The following CLCA2 variants were observed in gnomAD, a reference collection of about 807,000 sequenced individuals.
CLCA2 encodes chloride channel accessory 2.
CLCA2 carries 85 observed loss-of-function variants against 82.9 expected under a neutral mutation model. The ratio of observed to expected loss-of-function variants is 1.03; its 90% CI spans 0.86 to 1.23. CLCA2 has a LOEUF of 1.23. CLCA2 is among the 50% of genes most tolerant of loss of function. The pLI is 0.00. For missense variants in CLCA2, 1,089 were observed against 1,124.8 expected (o/e 0.97, Z 0.45); for synonymous variants, 421 against 391.7 (o/e 1.07, Z -0.88).
chr1:86,433,351 G>A (rs1662538045), intron 5 of CLCA2, among the ~76,000 whole-genome samples: 1 of 152,202 alleles, frequency 6.6e-6, no homozygotes, highest in South Asian at 2.1e-4. Context: ...CCTCTGTGGA[G>A]TTTTCTCTTT....
At chr1:86,445,331 T>A (rs1183272220) in intron 10 of CLCA2, 2 of 151,770 alleles carry the variant, frequency 1.3e-5, no homozygotes, top group Admixed American at 1.3e-4. Flanking sequence ...CCTTGGTGGT[T>A]TCAGAATAAA....
chr1:86,440,770 G>A (rs1272601316), intron 8 of CLCA2, among the ~76,000 whole-genome samples: 3 of 151,898 alleles, frequency 2.0e-5, no homozygotes, highest in African/African-American at 4.8e-5. Context: ...GCATGGTGGC[G>A]GGTCCCTATA....
chr1:86,445,407 A>G (rs1174814513), intron 10 of CLCA2: 2 of 129,462 alleles, frequency 1.5e-5, no homozygotes, highest in Non-Finnish European at 3.1e-5. Context: ...CATTTATTCC[A>G]GATGGGAGGC....
chr1:86,442,340 T>A (rs917130953), intron 9 of CLCA2, among the ~76,000 whole-genome samples: 2 of 152,212 alleles, frequency 1.3e-5, no homozygotes, highest in Non-Finnish European at 2.9e-5. Context: ...TAATGCTCAA[T>A]CTTTATGCCC....
In CLCA2 at chr1:86,434,617, T is replaced by C. The variant is rs1442974948; in HGVS notation, c.844T>C (p.Ser282Pro). Residue 282 changes from serine to proline, a missense_variant, in exon 6 of 14, where the codon TCT becomes CCT. By Grantham distance (74) the Ser-to-Pro change is moderately conservative (BLOSUM62 -1). Coordinates refer to ENST00000370565, the MANE Select transcript of CLCA2 (RefSeq NM_006536.7). ...AAGTGCATGGGATGTAATCACAGAC[T>C]CTGCTGACTTTCACCACAGCTTTCC... ...LRSAWDVITD[S>P]ADFHHSFPMN... is the part of the protein sequence containing the mutation. The C allele has an allele frequency of 1.2e-6, 2 of 1,614,010 alleles. No individual in the cohort carries two copies. The highest frequency in any genetic ancestry group is 3.3e-5 in the Admixed American group (2 of 59,988).
rs1463515581 is a variant in CLCA2 at position 86,424,522 on chromosome 1, A to G, written c.186+89A>G. ...AAGCTAACTACCCTGCCTGGTTTGT[A>G]TTTGAGTAATACAGAGAACAGCATT... is the stretch of plus-strand genomic sequence containing the variant. On this transcript the variant is annotated intron_variant, in intron 1 of 13. Transcript: ENST00000370565. 7 of 1,117,980 alleles carry G rather than the reference A, an allele frequency of 6.3e-6. No homozygotes were observed. In the East Asian group the frequency reaches 1.5e-4, roughly 24 times the overall value. 69.3% of individuals were successfully genotyped at this position (1,117,980 alleles called of 1,614,324 possible). A position where few individuals can be genotyped will look rare whatever the true frequency, so the allele number is the denominator to read the frequency against.
intron 4 of CLCA2, 122 bp downstream of exon 4, chr1:86,431,092 G>GCA: frequency 1.6e-6 from 1 of 637,978 alleles, no homozygotes; most frequent in Non-Finnish European, 2.7e-6. Context: ...AAACTTAGCT[G>GCA]ATAAGAAAGA....
intron 10 of CLCA2, chr1:86,445,493 A>G (rs1017220213): frequency 6.6e-6 from 1 of 151,878 alleles, no homozygotes; most frequent in Non-Finnish European, 1.5e-5. Flanking sequence ...CATAAGGTCA[A>G]AGGCAACAAT....
Position 86,455,490 on chromosome 1 carries a change from G to C in CLCA2, c.2795G>C (p.Arg932Thr), listed in dbSNP as rs780809194. 3.3e-6 allele frequency: 5 copies of C among 1,495,694 alleles called. No homozygotes were observed. The South Asian group carries it at 5.8e-5, about 17-fold the overall frequency. The allele number at this position is 1,495,694 out of a possible 1,614,324, so 92.7% of individuals were successfully genotyped here. ...CATCATACTTTAAGCAGGAAAAAGAGAGCAGACAAGAAAGAGAATGGAACA... is the reference window on the plus strand; with the variant it reads ...CATCATACTTTAAGCAGGAAAAAGACAGCAGACAAGAAAGAGAATGGAACA... Reference protein sequence around the residue: ...VTHHTLSRKKRADKKENGTKL... With the variant: ...VTHHTLSRKKTADKKENGTKL... The change falls in exon 14 of 14, where the codon AGA becomes ACA. Residue 932 changes from arginine (R) to threonine (T), a missense_variant. By Grantham distance (71) the Arg-to-Thr change is moderately conservative. Coordinates refer to ENST00000370565, the MANE Select transcript of CLCA2 (RefSeq NM_006536.7).
chr1:86,446,135 A>T (rs1662848313), intron 10 of CLCA2, among the ~76,000 whole-genome samples: 1 of 151,720 alleles, frequency 6.6e-6, no homozygotes. Flanking sequence ...CCAACAGACC[A>T]GCTGCATTCC....
At chr1:86,437,245 C>G (rs1662633019) in intron 6 of CLCA2, among the ~76,000 whole-genome samples, 1 of 152,202 alleles carries the variant, frequency 6.6e-6, no homozygotes, top group South Asian at 2.1e-4. Flanking sequence ...GATGCCTACA[C>G]TGCACTGGCC....
chr1:86,430,878 T>A lies in CLCA2; in HGVS notation c.492T>A (p.His164Gln). The A allele has an allele frequency of 6.2e-7, 1 of 1,613,562 alleles. No individual in the cohort carries two copies. Among genetic ancestry groups the A allele is most frequent in the South Asian group, 1.1e-5 (1 of 90,920 alleles). ...CTTCCGCAGGCCGAGTGTTTGTCCATGAATGGGCCCACCTCCGTTGGGGTG... is the reference window on the plus strand; with the variant it reads ...CTTCCGCAGGCCGAGTGTTTGTCCAAGAATGGGCCCACCTCCGTTGGGGTG... Reference protein sequence around the residue: ...GYGSRGRVFVHEWAHLRWGVF... With the variant: ...GYGSRGRVFVQEWAHLRWGVF... The change falls in exon 4 of 14, where the codon CAT (histidine) becomes CAA (glutamine). Residue 164 changes from histidine (H) to glutamine (Q), a missense_variant. By Grantham distance (24) the His-to-Gln change is conservative. Coordinates refer to ENST00000370565, the MANE Select transcript of CLCA2 (RefSeq NM_006536.7).
At chr1:86,437,563 A>C (rs1219201581) in intron 6 of CLCA2, among the ~76,000 whole-genome samples, 4 of 152,258 alleles carry the variant, frequency 2.6e-5, no homozygotes, top group Non-Finnish European at 5.9e-5. Context: ...AAGTGTGTGC[A>C]GTGGCCAAGA....
intron 9 of CLCA2, 84 bp from the exon 10 acceptor site, chr1:86,443,698 TGCCAA>T: frequency 1.1e-6 from 1 of 939,006 alleles, no homozygotes; most frequent in African/African-American, 1.7e-5. Flanking sequence ...TTTTTATTTT[TGCCAA>T]TTAATTGTTG....
chr1:86,430,203 G>A (rs1206964474), intron 3 of CLCA2, among the ~76,000 whole-genome samples: 4 of 151,930 alleles, frequency 2.6e-5, no homozygotes. Flanking sequence ...GATTTTGAGA[G>A]AGAGGAAGTT....
In CLCA2 at chr1:86,444,009, A is replaced by G. The variant is rs949553735; in HGVS notation, c.1711A>G (p.Lys571Glu). The G allele has an allele frequency of 1.3e-6, 2 of 1,597,820 alleles. No individual in the cohort carries two copies. The highest frequency in any genetic ancestry group is 2.7e-5 in the African/African-American group (2 of 74,580). The part of the protein sequence containing the change: ...TASLWIPGTA[K>E]PGHWTYTLNN... ...TAGTCTTTGGATTCCAGGAACAGCTAAGGTAGGTGTTGTGAGTTTGTTCCT... is the reference window on the plus strand; with the variant it reads ...TAGTCTTTGGATTCCAGGAACAGCTGAGGTAGGTGTTGTGAGTTTGTTCCT... Residue 571 changes from lysine (K) to glutamate (E), a missense_variant and splice_region_variant, in exon 10 of 14, where the codon AAG becomes GAG. Transcript: ENST00000370565.
chr1:86,454,581 C>G (rs1293075173), intron 13 of CLCA2, among the ~76,000 whole-genome samples: 1 of 152,126 alleles, frequency 6.6e-6, no homozygotes, highest in Non-Finnish European at 1.5e-5. Context: ...CACCTGAGGT[C>G]AGGAGTTCGA....
chr1:86,452,176 CTTTTTTTTTTT>C (rs753484167), intron 12 of CLCA2, among the ~76,000 whole-genome samples: 165 of 43,960 alleles, frequency 3.8e-3, no homozygotes, highest in African/African-American at 0.014. Flanking sequence ...AACCTGGAAG[CTTTTTTTTTTT>C]TTTTTTTTTT....
intron 12 of CLCA2, 67 bp downstream of exon 12, chr1:86,450,800 T>A: frequency 7.6e-7 from 1 of 1,319,936 alleles, no homozygotes; most frequent in South Asian, 2.0e-5. Flanking sequence ...TGGGTATGTG[T>A]GTACTGGGGT....
Sources: allele counts gnomAD v4.1 joint callset (sites outside exome capture counted in the v4.1 genomes callset), GRCh38; gene constraint gnomAD v4.1.1; transcripts MANE v1.5; gene names NCBI Gene and HGNC (gene_info 2026-07-23, HGNC 2026-07-21).